Variants in CLNK observed in about 807,000 individuals in gnomAD.
CLNK encodes cytokine dependent hematopoietic cell linker.
Under a neutral mutation model 68.6 loss-of-function variants are expected in CLNK, and 74 were observed. The ratio of observed to expected loss-of-function variants is 1.08; its 90% confidence interval spans 0.89 to 1.31. The LOEUF is 1.31. CLNK is among the 50% of genes most tolerant of loss of function. The pLI, the probability that CLNK is intolerant of heterozygous loss-of-function variation, is 0.00. For synonymous variants in CLNK, 198 were observed against 172.2 expected (o/e 1.15, Z -1.17); for missense variants, 553 against 515.3 (o/e 1.07, Z -0.71).
the CLNK span, among the ~76,000 whole-genome samples, chr4:10,698,069 G>T: frequency 1.3e-5 from 2 of 152,162 alleles, no homozygotes; most frequent in South Asian, 2.1e-4. Flanking sequence ...TAAGCAGATT[G>T]TAGTTCGGAA....
At chr4:10,614,511 T>C (rs1259549391) in intron 2 of CLNK, among the ~76,000 whole-genome samples, 1 of 152,200 alleles carries the variant, frequency 6.6e-6, no homozygotes, top group Non-Finnish European at 1.5e-5. Flanking sequence ...TGGCCAGATC[T>C]GTTTTTCAGC....
At chr4:10,534,429 T>A (rs935495849) in intron 11 of CLNK, among the ~76,000 whole-genome samples, 13 of 152,230 alleles carry the variant, frequency 8.5e-5, no homozygotes, top group Non-Finnish European at 1.8e-4. Flanking sequence ...CCTTTTACTA[T>A]AAATATAGGT....
intron 2 of CLNK, among the ~76,000 whole-genome samples, chr4:10,605,167 G>A (rs571467594): frequency 1.3e-5 from 2 of 152,060 alleles, no homozygotes; most frequent in East Asian, 1.9e-4. Flanking sequence ...CCTGCCCTAC[G>A]GATTTCAAAC....
Position 10,544,840 on chromosome 4 carries a change from G to A in CLNK, c.446-2560C>T, listed in dbSNP as rs371357760. On this transcript the variant is annotated intron_variant, in intron 8 of 18. Coordinates refer to ENST00000226951, the MANE Select transcript of CLNK (RefSeq NM_052964.4). ...TGGTGACTCTGAGGTGTACTAAGAC[G>A]GTGCAGGACAGCACATGGCGAGGAG... Among the ~76,000 whole-genome samples the A allele has an allele frequency of 1.2e-4, 18 of 152,186 alleles. No individual in the cohort carries two copies. The East Asian group carries it at 3.1e-3, about 26-fold the overall frequency.
intron 4 of CLNK, 40 bp from the exon 5 acceptor site, chr4:10,571,818 T>C: frequency 1.3e-6 from 2 of 1,548,644 alleles, no homozygotes; most frequent in South Asian, 1.1e-5. Flanking sequence ...TTAATCACTG[T>C]GGTAGCTCCA....
At chr4:10,595,921 C>T (rs890288484) in intron 3 of CLNK, among the ~76,000 whole-genome samples, 1 of 152,222 alleles carries the variant, frequency 6.6e-6, no homozygotes, top group East Asian at 1.9e-4. Flanking sequence ...TTAATGAGAA[C>T]CTACTCTATT....
rs754632686 is a variant in CLNK at position 10,676,124 on chromosome 4, A to G, written c.-42-8213T>C. Among the ~76,000 whole-genome samples, 158 of 152,136 alleles carry G rather than the reference A, an allele frequency of 1.0e-3. 1 individual carries two copies. Among genetic ancestry groups the G allele is most frequent in the Admixed American group, 3.3e-3 (51 of 15,254 alleles). On this transcript the variant is annotated intron_variant, in intron 1 of 18. Transcript: ENST00000226951. The stretch of plus-strand genomic sequence containing the variant: ...ACACACATAGGAGCTTTGAGTAAAC[A>G]TGTCGAAATCAAGATTTCTCAGATA...
At chr4:10,716,518 C>A in the CLNK span, among the ~76,000 whole-genome samples, 2 of 152,140 alleles carry the variant, frequency 1.3e-5, no homozygotes, top group Admixed American at 6.5e-5. Flanking sequence ...TAAAAAACAA[C>A]AAGGTGGTGA....
At chr4:10,660,847 A>G (rs1271608196) in intron 2 of CLNK, among the ~76,000 whole-genome samples, 2 of 152,244 alleles carry the variant, frequency 1.3e-5, no homozygotes, top group South Asian at 2.1e-4. Context: ...CCTCTGGCAA[A>G]CTCTATCTCT....
At chr4:10,524,100 G>GAGT in intron 14 of CLNK, 1 of 200,354 alleles carries the variant, frequency 5.0e-6, no homozygotes, top group Non-Finnish European at 1.1e-5. Context: ...GGAGGAGGAG[G>GAGT]AGGAGGAGGA....
At position 10,509,579 on chromosome 4, in the gene CLNK, C is replaced by T. The variant is rs553104083; in HGVS notation, c.907-1543G>A. On this transcript the variant is annotated intron_variant, in intron 16 of 18. Coordinates refer to ENST00000226951, the MANE Select transcript of CLNK (RefSeq NM_052964.4). The stretch of plus-strand genomic sequence containing the variant: ...TGCTCTTGTTGCCCTGGCTTGAGTG[C>T]AATGGCACGATCTCAGCTCAATGCA... Among the ~76,000 whole-genome samples the T allele has an allele frequency of 1.8e-4, 27 of 150,664 alleles. No homozygotes were observed. In the South Asian group the frequency reaches 5.2e-3, roughly 29 times the overall value.
chr4:10,491,448 C>T (rs1204998828), intron 18 of CLNK, among the ~76,000 whole-genome samples: 1 of 152,194 alleles, frequency 6.6e-6, no homozygotes, highest in Non-Finnish European at 1.5e-5. Context: ...TTCTAGTATA[C>T]ATAGAAAGAA....
rs188670804 is a variant in CLNK, at chr4:10,600,603, T to A, written c.12-2554A>T. Reference sequence around the variant, plus strand: ...GGGTAGATTGTAGCCTGGGCATCTTTTTCTCTCCTAGAACACTGGCTAACT... The same window carrying A: ...GGGTAGATTGTAGCCTGGGCATCTTATTCTCTCCTAGAACACTGGCTAACT... On this transcript the variant is annotated intron_variant, in intron 2 of 18. Coordinates refer to ENST00000226951, the MANE Select transcript of CLNK (RefSeq NM_052964.4). Among the ~76,000 whole-genome samples the A allele has an allele frequency of 1.6e-4, 24 of 152,354 alleles. No individual in the cohort carries two copies. The East Asian group carries it at 2.9e-3, about 18-fold the overall frequency.
chr4:10,581,188 TAGTAGG>T (rs1481593877), intron 4 of CLNK, among the ~76,000 whole-genome samples: 1 of 152,154 alleles, frequency 6.6e-6, no homozygotes, highest in African/African-American at 2.4e-5. Flanking sequence ...CCTAGGTAAG[TAGTAGG>T]TTACACAATC....
At chr4:10,542,704 C>G (rs1719087516) in intron 8 of CLNK, among the ~76,000 whole-genome samples, 1 of 148,136 alleles carries the variant, frequency 6.8e-6, no homozygotes, top group Non-Finnish European at 1.5e-5. Flanking sequence ...ATATACAATT[C>G]AATTTCCTGC....
the CLNK span, among the ~76,000 whole-genome samples, chr4:10,698,693 C>T: frequency 6.6e-6 from 1 of 152,314 alleles, no homozygotes; most frequent in South Asian, 2.1e-4. Flanking sequence ...AGTGAAAGAG[C>T]TCTTGTGAAC....
the CLNK span, among the ~76,000 whole-genome samples, chr4:10,720,096 TAA>T: frequency 1.3e-5 from 2 of 151,950 alleles, no homozygotes; most frequent in Non-Finnish European, 2.9e-5. Context: ...CTGCAAATGT[TAA>T]AAAAATGAAG....
chr4:10,616,823 T>TAC (rs1481126169), intron 2 of CLNK, among the ~76,000 whole-genome samples: 1 of 29,174 alleles, frequency 3.4e-5, no homozygotes, highest in African/African-American at 7.5e-5. Context: ...TATATATATA[T>TAC]ACACGCATTT....
rs530931312 is a variant in CLNK at position 10,528,163 on chromosome 4, G to A, written c.631-69C>T. On this transcript the variant is annotated intron_variant, in intron 12 of 18. Coordinates refer to ENST00000226951, the MANE Select transcript of CLNK (RefSeq NM_052964.4). ...CAGAGAATTTAATATAACACCATGTGTGTTTTTAGAGCATTTGGTTGGCAG... is the reference window on the plus strand; with the variant it reads ...CAGAGAATTTAATATAACACCATGTATGTTTTTAGAGCATTTGGTTGGCAG... 29 of 735,462 alleles carry A rather than the reference G, an allele frequency of 3.9e-5. No individual in the cohort carries two copies. In the African/African-American group the frequency reaches 4.9e-4, roughly 12 times the overall value. 45.6% of individuals were successfully genotyped at this position (735,462 alleles called of 1,614,324 possible).
Sources: allele counts gnomAD v4.1 joint callset (sites outside exome capture counted in the v4.1 genomes callset), GRCh38; gene constraint gnomAD v4.1.1; transcripts MANE v1.5; gene names NCBI Gene and HGNC (gene_info 2026-07-23, HGNC 2026-07-21).